TNRC6B: variants seen among roughly 807,000 people sequenced by gnomAD.
TNRC6B encodes trinucleotide repeat containing adaptor 6B.
In TNRC6B, 52 loss-of-function variants were observed where a neutral mutation model predicts 203.6. That is an observed-to-expected ratio of 0.26 (90% CI 0.20 to 0.32). The LOEUF (loss-of-function observed/expected upper bound fraction) is 0.32, where lower values mean the gene tolerates loss of function less well. Ranked by LOEUF, TNRC6B falls within the 10% of genes least tolerant of loss-of-function variation. The pLI is 1.00. For synonymous variants in TNRC6B, 838 were observed against 845.7 expected (o/e 0.99, Z 0.16); for missense variants, 1,923 against 2,286.2 (o/e 0.84, Z 3.24).
chr22:40,335,198 G>T lies in TNRC6B; in HGVS notation c.*11957G>T, dbSNP rs1357919961. 1.5e-5 allele frequency: 2 copies of T among 131,234 alleles called. No homozygotes were observed. Among genetic ancestry groups the T allele is most frequent in the African/African-American group, 2.9e-5 (1 of 34,710 alleles). 8.1% of individuals were successfully genotyped at this position (131,234 alleles called of 1,614,324 possible). A position where few individuals can be genotyped will look rare whatever the true frequency, so the allele number is the denominator to read the frequency against. On this transcript the variant is annotated 3_prime_UTR_variant, in exon 23 of 23. Transcript: ENST00000454349. ...TTTTTTTTTTTTTTTTTAGCATAGA[G>T]GTTTAATCAAACTCCCATATGTTGA...
At chr22:40,228,591 C>T (rs1326437888) in intron 1 of TNRC6B, among the ~76,000 whole-genome samples, 1 of 149,528 alleles carries the variant, frequency 6.7e-6, no homozygotes, top group Admixed American at 6.7e-5. Flanking sequence ...GTGATCTCGG[C>T]TCACTGCAAC....
At chr22:40,270,449 A>G (rs2070546076) in intron 6 of TNRC6B, among the ~76,000 whole-genome samples, 169 bp downstream of exon 6, 1 of 151,226 alleles carries the variant, frequency 6.6e-6, no homozygotes, top group Non-Finnish European at 1.5e-5. Flanking sequence ...CCTCCCGAGT[A>G]GCTGGGATTA....
intron 1 of TNRC6B, among the ~76,000 whole-genome samples, chr22:40,207,491 C>T (rs1046749468): frequency 6.7e-6 from 1 of 148,784 alleles, no homozygotes; most frequent in Non-Finnish European, 1.5e-5. Flanking sequence ...GATACATGTT[C>T]ATTATATCAT....
chr22:40,122,687 C>T (rs2068456361), intron 2 of TNRC6B, among the ~76,000 whole-genome samples: 1 of 152,176 alleles, frequency 6.6e-6, no homozygotes, highest in African/African-American at 2.4e-5. Flanking sequence ...AAGCATTCCC[C>T]TTTCACAGCA....
At chr22:40,261,786 G>A (rs1163835207) in intron 3 of TNRC6B, 46 bp from the exon 4 acceptor site, 4 of 1,364,350 alleles carry the variant, frequency 2.9e-6, no homozygotes, top group South Asian at 1.9e-5. Flanking sequence ...TAGAAAAAAT[G>A]TATTTGATGT....
At position 40,144,578 on chromosome 22, in the gene TNRC6B, G is replaced by T. The variant is rs546607725; in HGVS notation, c.46-11537G>T. Among the ~76,000 whole-genome samples, 8 of 152,026 alleles carry T rather than the reference G, an allele frequency of 5.3e-5. No individual in the cohort carries two copies. The South Asian group carries it at 1.7e-3, about 32-fold the overall frequency. The stretch of plus-strand genomic sequence containing the variant: ...TAGTCCCAGCTACTTGGTAGGCTGA[G>T]GCAGGAGAATGGCGTGAACCGAGGA... On this transcript the variant is annotated intron_variant, in intron 3 of 23. Transcript: ENST00000301923.
In TNRC6B at chr22:40,310,880, C is replaced by G; in HGVS notation, c.4322C>G (p.Pro1441Arg). 1.2e-6 allele frequency: 2 copies of G among 1,612,666 alleles called. No individual in the cohort carries two copies. Among genetic ancestry groups the G allele is most frequent in the Middle Eastern group, 1.7e-4 (1 of 5,850 alleles). ...GSPYNQFDII[P>R]GDTLGGHTGP... ...CCGTACAACCAGTTTGATATCATCC[C>G]TGGTGACACACTGGGTGGCCATACG... The change falls in exon 17 of 23, where the codon CCT becomes CGT. Residue 1441 changes from proline to arginine, a missense_variant. Physicochemically the swap from Pro to Arg is moderately radical, Grantham distance 103. Transcript: ENST00000454349.
rs555369385 is a variant in TNRC6B at position 40,059,817 on chromosome 22, T to G, written c.-121+14819T>G. On this transcript the variant is annotated intron_variant, in intron 1 of 23. Transcript: ENST00000301923. ...CCCATTGGTCATGATAGAGTTTGGT[T>G]TTTTTTTTTTTTTTTTTTCCCCCCG... 9.5e-4 allele frequency among the ~76,000 whole-genome samples: 116 copies of G among 122,508 alleles called. No homozygotes were observed. The Middle Eastern group carries it at 0.027, about 29-fold the overall frequency. 80.4% of individuals were successfully genotyped at this position (122,508 alleles called of 152,430 possible). A position where few individuals can be genotyped will look rare whatever the true frequency, so the allele number is the denominator to read the frequency against.
intron 6 of TNRC6B, among the ~76,000 whole-genome samples, chr22:40,273,091 A>G (rs2070587330): frequency 6.6e-6 from 1 of 152,224 alleles, no homozygotes; most frequent in Non-Finnish European, 1.5e-5. Flanking sequence ...GAACAGATTT[A>G]TCTTAATTGA....
chr22:40,225,841 A>C (rs1248238403), intron 1 of TNRC6B, among the ~76,000 whole-genome samples: 2 of 152,054 alleles, frequency 1.3e-5, no homozygotes, highest in African/African-American at 4.8e-5. Flanking sequence ...GATCATTCAC[A>C]GAACATTTCC....
At chr22:40,101,866 G>A (rs2042234049) in intron 1 of TNRC6B, among the ~76,000 whole-genome samples, 2 of 152,184 alleles carry the variant, frequency 1.3e-5, no homozygotes, top group Middle Eastern at 3.2e-3. Flanking sequence ...CCCAACCGGT[G>A]TCGCTTCTCT....
upstream of TNRC6B, among the ~76,000 whole-genome samples, chr22:40,174,665 AT>A (rs1483717967): frequency 2.0e-5 from 3 of 152,006 alleles, no homozygotes; most frequent in African/African-American, 4.8e-5. Context: ...TCTACTACAA[AT>A]ACAAAAAAAT....
At chr22:40,166,894 CA>C (rs567105023) in intron 4 of TNRC6B, among the ~76,000 whole-genome samples, 97 of 136,446 alleles carry the variant, frequency 7.1e-4, no homozygotes, top group Admixed American at 7.4e-4. Context: ...GACTTTGTCT[CA>C]AAAAAAAAAA....
chr22:40,266,422 G>A lies in TNRC6B; in HGVS notation c.2192G>A (p.Gly731Glu). ...SWNENPSKDQ[G>E]WGGGRQPNQG... is the part of the protein sequence containing the mutation. The stretch of plus-strand genomic sequence containing the variant: ...AATGAGAATCCCAGCAAGGATCAGG[G>A]GTGGGGAGGTGGACGCCAGCCCAAT... Residue 731 changes from glycine (G) to glutamate (E), a missense_variant, in exon 5 of 23, where the codon GGG (glycine) becomes GAG (glutamate). Transcript: ENST00000454349. 3.7e-6 allele frequency: 6 copies of A among 1,613,948 alleles called. No homozygotes were observed. Among genetic ancestry groups the A allele is most frequent in the Non-Finnish European group, 5.1e-6 (6 of 1,179,884 alleles).
intron 1 of TNRC6B, among the ~76,000 whole-genome samples, chr22:40,203,172 T>G (rs911891766): frequency 1.3e-5 from 2 of 152,104 alleles, no homozygotes; most frequent in African/African-American, 4.8e-5. Context: ...AACTGGTAGC[T>G]CAAAACATAT....
At chr22:40,152,023 A>G (rs2068762164) in intron 3 of TNRC6B, among the ~76,000 whole-genome samples, 6 of 152,194 alleles carry the variant, frequency 3.9e-5, no homozygotes, top group Admixed American at 3.9e-4. Context: ...GAGATTCTAG[A>G]TTATAAGTAC....
intron 11 of TNRC6B, among the ~76,000 whole-genome samples, chr22:40,283,568 GA>G (rs2070744771): frequency 6.6e-6 from 1 of 152,190 alleles, no homozygotes; most frequent in African/African-American, 2.4e-5. Flanking sequence ...TTGGGGCCAA[GA>G]AAATGAGCAG....
At chr22:40,112,447 C>T (rs2068346298) in intron 1 of TNRC6B, among the ~76,000 whole-genome samples, 1 of 152,128 alleles carries the variant, frequency 6.6e-6, no homozygotes, top group African/African-American at 2.4e-5. Context: ...CACCCCAAAC[C>T]CTGCCCATGA....
At chr22:40,234,697 C>A (rs921669983) in intron 1 of TNRC6B, among the ~76,000 whole-genome samples, 8 of 152,070 alleles carry the variant, frequency 5.3e-5, no homozygotes, top group Non-Finnish European at 1.0e-4. Context: ...TTTCTTTATC[C>A]CTTAAAATTA....
Sources: allele counts gnomAD v4.1 joint callset (sites outside exome capture counted in the v4.1 genomes callset), GRCh38; gene constraint gnomAD v4.1.1; transcripts MANE v1.5; gene names NCBI Gene and HGNC (gene_info 2026-07-23, HGNC 2026-07-21).